Variants in PCDHA12 observed in about 807,000 individuals in gnomAD.
The protein encoded by PCDHA12 is protocadherin alpha-12.
Under a neutral mutation model 60.0 loss-of-function variants are expected in PCDHA12, and 44 were observed. The observed-to-expected ratio is 0.73, with a 90% CI of 0.58 to 0.94. PCDHA12 has a LOEUF of 0.94. Among genes scored for constraint, PCDHA12 ranks in the 40% least tolerant of loss-of-function variants. The probability of loss-of-function intolerance (pLI) is 0.00; values close to 1 mark genes in which losing one functional copy is unlikely to be tolerated. For synonymous variants in PCDHA12, 569 were observed against 553.0 expected, an observed-to-expected ratio of 1.03 and a Z score of -0.40; for missense variants, 1,276 against 1,239.7, an observed-to-expected ratio of 1.03 and a Z score of -0.44.
At chr5:140,926,923 T>G in intron 1 of PCDHA12, 1 of 1,571,554 alleles carries the variant, frequency 6.4e-7, no homozygotes. Flanking sequence ...AGTTTTATGT[T>G]TGTGGGTTTC....
intron 2 of PCDHA12, among the ~76,000 whole-genome samples, chr5:140,980,402 T>G (rs1019891422): frequency 2.0e-5 from 3 of 152,020 alleles, no homozygotes; most frequent in African/African-American, 7.2e-5. Context: ...GAGGCCGAGG[T>G]GGGCAGATCA....
At chr5:140,966,792 C>T (rs1182470326) in intron 1 of PCDHA12, 4 of 1,530,564 alleles carry the variant, frequency 2.6e-6, no homozygotes, top group Non-Finnish European at 2.6e-6. Context: ...ACCAGACCTG[C>T]GGCGACAGAG....
intron 1 of PCDHA12, among the ~76,000 whole-genome samples, chr5:140,941,194 T>TCTTTCTTC (rs781885331): frequency 0.027 from 3,012 of 112,124 alleles, 85 homozygotes; most frequent in African/African-American, 0.068. Flanking sequence ...TCTTTTTTTT[T>TCTTTCTTC]CTTTCTTCCT....
intron 3 of PCDHA12, among the ~76,000 whole-genome samples, chr5:140,986,372 G>C (rs570215048): frequency 2.1e-4 from 32 of 152,248 alleles, no homozygotes; most frequent in Admixed American, 5.2e-4. Context: ...ATGCGTTTTG[G>C]GGGGAGGGAC....
rs201969686 is a variant in PCDHA12, at chr5:140,898,775, T to A, written c.2367+20936T>A. ...GATGGCATTGAATCTGTAAATTACC[T>A]TGGGCAGTATGGCCATTTTCACGAT... On this transcript the variant is annotated intron_variant, in intron 1 of 3. Coordinates refer to ENST00000398631, the MANE Select transcript of PCDHA12 (RefSeq NM_018903.4). 9.9e-4 allele frequency among the ~76,000 whole-genome samples: 151 copies of A among 152,312 alleles called. 1 individual carries two copies. The East Asian group carries it at 0.026, about 26-fold the overall frequency.
At chr5:140,953,900 C>G (rs1040959969) in intron 1 of PCDHA12, among the ~76,000 whole-genome samples, 4 of 152,126 alleles carry the variant, frequency 2.6e-5, no homozygotes, top group Non-Finnish European at 5.9e-5. Context: ...GTATTAAGCC[C>G]AGCATCCATT....
At chr5:141,003,938 G>A (rs1195315346) in intron 3 of PCDHA12, among the ~76,000 whole-genome samples, 1 of 152,178 alleles carries the variant, frequency 6.6e-6, no homozygotes, top group Non-Finnish European at 1.5e-5. Flanking sequence ...GTCTTTGCCT[G>A]AGGGTGAGCT....
At chr5:140,897,240 A>T (rs1475170855) in intron 1 of PCDHA12, among the ~76,000 whole-genome samples, 5 of 151,908 alleles carry the variant, frequency 3.3e-5, no homozygotes, top group Non-Finnish European at 5.9e-5. Flanking sequence ...TGTGCAGGTT[A>T]GTTACATATG....
chr5:140,894,670 C>T (rs971891585), intron 1 of PCDHA12, among the ~76,000 whole-genome samples: 2 of 151,580 alleles, frequency 1.3e-5, no homozygotes, highest in African/African-American at 4.8e-5. Flanking sequence ...TTTGTGTATT[C>T]TTGCATAGCT....
chr5:140,902,290 A>G (rs1252691615), intron 1 of PCDHA12, among the ~76,000 whole-genome samples: 1 of 146,394 alleles, frequency 6.8e-6, no homozygotes, highest in Non-Finnish European at 1.5e-5. Context: ...CTCCTGCCTC[A>G]GCCTCCCAAA....
intron 1 of PCDHA12, among the ~76,000 whole-genome samples, chr5:140,903,411 A>G (rs265314): frequency 0.015 from 2,274 of 152,338 alleles, 53 homozygotes; most frequent in African/African-American, 0.052. Flanking sequence ...TGCAGTCAGG[A>G]AAAATTCAGC....
chr5:140,959,622 A>T (rs1489618654), intron 1 of PCDHA12, among the ~76,000 whole-genome samples: 1 of 152,194 alleles, frequency 6.6e-6, no homozygotes, highest in Admixed American at 6.5e-5. Flanking sequence ...TTGTGATAGA[A>T]AAAAAGAGAG....
intron 1 of PCDHA12, among the ~76,000 whole-genome samples, chr5:140,955,954 T>C (rs782364189): frequency 2.0e-5 from 3 of 152,184 alleles, no homozygotes; most frequent in Non-Finnish European, 2.9e-5. Context: ...TACTTGCTTG[T>C]TGTTTGTGCA....
At chr5:140,903,585 T>C (rs928775971) in intron 1 of PCDHA12, among the ~76,000 whole-genome samples, 2 of 152,224 alleles carry the variant, frequency 1.3e-5, no homozygotes, top group Non-Finnish European at 2.9e-5. Context: ...TAGCTGGTGT[T>C]GGCCTGATAA....
intron 3 of PCDHA12, among the ~76,000 whole-genome samples, chr5:140,984,986 G>A (rs553872050): frequency 6.6e-6 from 1 of 152,080 alleles, no homozygotes; most frequent in African/African-American, 2.4e-5. Context: ...CCCCCAGGCT[G>A]GAGTCCAGTG....
At chr5:140,924,906 T>TAAAAA (rs1284498744) in intron 1 of PCDHA12, among the ~76,000 whole-genome samples, 1 of 55,822 alleles carries the variant, frequency 1.8e-5, no homozygotes, top group Non-Finnish European at 3.4e-5. Context: ...AAAAAAAAAA[T>TAAAAA]AAAATAAAAT....
chr5:140,877,982 T>A, intron 1 of PCDHA12, 143 bp downstream of exon 1: 1 of 1,221,278 alleles, frequency 8.2e-7, no homozygotes, highest in Non-Finnish European at 1.1e-6. Flanking sequence ...CTTACTCATT[T>A]TGAACTTTTA....
At chr5:140,933,490 A>G (rs1554209400) in intron 1 of PCDHA12, among the ~76,000 whole-genome samples, 1 of 152,104 alleles carries the variant, frequency 6.6e-6, no homozygotes, top group African/African-American at 2.4e-5. Flanking sequence ...GTTATTCTTT[A>G]GAATTGTTAA....
At chr5:140,917,326 G>GT (rs1425389614) in intron 1 of PCDHA12, among the ~76,000 whole-genome samples, 1 of 149,490 alleles carries the variant, frequency 6.7e-6, no homozygotes, top group Non-Finnish European at 1.5e-5. Flanking sequence ...TCATGTGGCG[G>GT]GGGAGGGGGG....
Sources: allele counts gnomAD v4.1 joint callset (sites outside exome capture counted in the v4.1 genomes callset), GRCh38; gene constraint gnomAD v4.1.1; transcripts MANE v1.5; gene names NCBI Gene and HGNC (gene_info 2026-07-23, HGNC 2026-07-21).